Variants in RALGPS2 observed in about 807,000 individuals in gnomAD.
RALGPS2 encodes ras-specific guanine nucleotide-releasing factor RalGPS2.
RALGPS2 carries 43 observed loss-of-function variants against 86.8 expected under a neutral mutation model. The ratio of observed to expected loss-of-function variants is 0.50; its 90% CI spans 0.39 to 0.64. RALGPS2 has a LOEUF of 0.64. Among genes scored for constraint, RALGPS2 ranks in the 30% least tolerant of loss-of-function variants. The pLI is 0.00. For missense variants in RALGPS2, 536 were observed against 694.6 expected, an observed-to-expected ratio of 0.77 and a Z score of 2.57; for synonymous variants, 243 against 231.3, an observed-to-expected ratio of 1.05 and a Z score of -0.46.
intron 8 of RALGPS2, among the ~76,000 whole-genome samples, chr1:178,859,920 T>C (rs887453663): frequency 6.6e-6 from 1 of 150,470 alleles, no homozygotes; most frequent in Non-Finnish European, 1.5e-5. Flanking sequence ...GGTTTCGCCA[T>C]GTTAGCCAGG....
intron 14 of RALGPS2, among the ~76,000 whole-genome samples, chr1:178,890,403 G>A (rs1422890516): frequency 6.6e-6 from 1 of 151,818 alleles, no homozygotes; most frequent in Non-Finnish European, 1.5e-5. Flanking sequence ...GACTCATAAG[G>A]TATTTGGCTT....
chr1:178,909,710 C>T (rs557267416), intron 19 of RALGPS2, among the ~76,000 whole-genome samples: 10 of 129,742 alleles, frequency 7.7e-5, no homozygotes, highest in African/African-American at 2.7e-4. Flanking sequence ...AGTGCAGTGG[C>T]GCGGTCTCGG....
Position 178,916,443 on chromosome 1 carries a change from C to T in RALGPS2, c.*84C>T, listed in dbSNP as rs921369946. 2 of 1,347,258 alleles carry T rather than the reference C, an allele frequency of 1.5e-6. No homozygotes were observed. Among genetic ancestry groups the T allele is most frequent in the East Asian group, 4.7e-5 (2 of 42,522 alleles). 83.5% of individuals were successfully genotyped at this position (1,347,258 alleles called of 1,614,324 possible). ...AAAAGAGCGCCAGCTATAAACCATC[C>T]TGTGCCAGGAAGAGCCCAGAGGCTC... is the stretch of plus-strand genomic sequence containing the variant. On this transcript the variant is annotated 3_prime_UTR_variant, in exon 20 of 20. Transcript: ENST00000367635.
At chr1:178,781,341 A>T (rs550590699) in intron 2 of RALGPS2, among the ~76,000 whole-genome samples, 2 of 152,202 alleles carry the variant, frequency 1.3e-5, no homozygotes, top group South Asian at 4.1e-4. Context: ...TATAGAAGTG[A>T]TAAGCTTACA....
At position 178,916,570 on chromosome 1, in the gene RALGPS2, G is replaced by T. The variant is rs1660823411; in HGVS notation, c.*211G>T. The T allele has an allele frequency of 1.8e-6, 1 of 540,600 alleles. No individual in the cohort carries two copies. Among genetic ancestry groups the T allele is most frequent in the Admixed American group, 3.6e-5 (1 of 28,152 alleles). 33.5% of individuals were successfully genotyped at this position (540,600 alleles called of 1,614,324 possible). ...TTGGAGTTGCAAAACAAACTGCCAT[G>T]AACCATGCTTCTTATCTCAGAACTG... is the stretch of plus-strand genomic sequence containing the variant. On this transcript the variant is annotated 3_prime_UTR_variant, in exon 20 of 20. Transcript: ENST00000367635.
chr1:178,890,235 G>A (rs1000444835), intron 14 of RALGPS2, among the ~76,000 whole-genome samples: 2 of 151,882 alleles, frequency 1.3e-5, no homozygotes, highest in East Asian at 1.9e-4. Flanking sequence ...GCTTTAAGCT[G>A]TTAAATCTGT....
chr1:178,831,710 G>C (rs1656031267), intron 7 of RALGPS2, among the ~76,000 whole-genome samples: 1 of 136,084 alleles, frequency 7.3e-6, no homozygotes, highest in Non-Finnish European at 1.5e-5. Flanking sequence ...ATCAAAAGAA[G>C]ATTTGAAAAG....
chr1:178,820,188 C>G (rs1655430008), intron 6 of RALGPS2, among the ~76,000 whole-genome samples: 1 of 152,160 alleles, frequency 6.6e-6, no homozygotes, highest in East Asian at 1.9e-4. Flanking sequence ...CCTAGTGAAC[C>G]TGAGACCACA....
At chr1:178,770,525 T>C (rs940844323) in intron 1 of RALGPS2, among the ~76,000 whole-genome samples, 3 of 149,406 alleles carry the variant, frequency 2.0e-5, no homozygotes, top group African/African-American at 5.0e-5. Flanking sequence ...TTTTTTTTTT[T>C]TCTGAGACAG....
At chr1:178,777,637 A>C (rs1196786180) in intron 2 of RALGPS2, among the ~76,000 whole-genome samples, 2 of 150,524 alleles carry the variant, frequency 1.3e-5, no homozygotes, top group Non-Finnish European at 3.0e-5. Context: ...ACCTGACTTC[A>C]AACTATACTA....
chr1:178,754,454 G>C (rs1217893850), intron 1 of RALGPS2, among the ~76,000 whole-genome samples: 1 of 152,128 alleles, frequency 6.6e-6, no homozygotes, highest in South Asian at 2.1e-4. Context: ...AAGCCAGCAG[G>C]TTCTAGACCT....
intron 4 of RALGPS2, among the ~76,000 whole-genome samples, chr1:178,795,039 G>A (rs7536085): frequency 0.014 from 2,128 of 152,084 alleles, 51 homozygotes; most frequent in African/African-American, 0.048. Context: ...AATTAGCCAA[G>A]CATGGTGGTG....
At chr1:178,780,272 G>C (rs1201517956) in intron 2 of RALGPS2, among the ~76,000 whole-genome samples, 1 of 152,114 alleles carries the variant, frequency 6.6e-6, no homozygotes, top group Non-Finnish European at 1.5e-5. Flanking sequence ...CTTAGAGCCT[G>C]TCCACTGTGC....
At chr1:178,791,066 T>C (rs1251312003) in intron 4 of RALGPS2, among the ~76,000 whole-genome samples, 1 of 152,188 alleles carries the variant, frequency 6.6e-6, no homozygotes, top group Non-Finnish European at 1.5e-5. Context: ...TATAATTGTA[T>C]ATTAAAAGTA....
chr1:178,823,828 G>C (rs1250728236), intron 7 of RALGPS2, among the ~76,000 whole-genome samples: 1 of 152,178 alleles, frequency 6.6e-6, no homozygotes, highest in African/African-American at 2.4e-5. Flanking sequence ...ACATCCATGT[G>C]AAATGTAAGG....
chr1:178,810,511 A>T (rs933169892), intron 5 of RALGPS2, among the ~76,000 whole-genome samples: 154 of 151,560 alleles, frequency 1.0e-3, no homozygotes, highest in Non-Finnish European at 1.6e-3. Flanking sequence ...TATTGTTAAG[A>T]TTTCCATAGC....
In RALGPS2 at chr1:178,906,806, G is replaced by C. The variant is rs1282503375; in HGVS notation, c.1661G>C (p.Arg554Thr). ...TCGTACAAGTTTCAAGCTGGCAATAGAATGAATGCAATGTTATGGTTTAAG... is the reference window on the plus strand; with the variant it reads ...TCGTACAAGTTTCAAGCTGGCAATACAATGAATGCAATGTTATGGTTTAAG... ...GNSYKFQAGN[R>T]MNAMLWFKHL... The change falls in exon 19 of 20, where the codon AGA becomes ACA. Residue 554 changes from arginine (R) to threonine (T), a missense_variant. Around this residue, in one of 3 missense-constraint regions of RALGPS2, gnomAD observed 309 missense variants for 363.0 expected, o/e 0.85. Transcript: ENST00000367635. 6.2e-7 allele frequency: 1 copy of C among 1,608,764 alleles called. No individual in the cohort carries two copies. The highest frequency in any genetic ancestry group is 1.3e-5 in the African/African-American group (1 of 74,672).
chr1:178,728,516 A>G (rs1650158385), intron 1 of RALGPS2, among the ~76,000 whole-genome samples: 1 of 151,228 alleles, frequency 6.6e-6, no homozygotes, highest in Non-Finnish European at 1.5e-5. Flanking sequence ...TTTGAATATG[A>G]GATATTTATT....
At chr1:178,833,988 T>C (rs1656149150) in intron 8 of RALGPS2, among the ~76,000 whole-genome samples, 1 of 152,186 alleles carries the variant, frequency 6.6e-6, no homozygotes, top group Non-Finnish European at 1.5e-5. Flanking sequence ...GTTGATTCAC[T>C]GTGGCAATTT....
Sources: allele counts gnomAD v4.1 joint callset (sites outside exome capture counted in the v4.1 genomes callset), GRCh38; gene constraint gnomAD v4.1.1; regional missense constraint gnomAD v4.1.1; transcripts MANE v1.5; gene names NCBI Gene and HGNC (gene_info 2026-07-23, HGNC 2026-07-21).